The following RNF111 variants were observed in gnomAD, a reference collection of about 807,000 sequenced individuals.
RNF111 encodes the protein ring finger protein 111.
Under a neutral mutation model 95.1 loss-of-function variants are expected in RNF111, and 17 were observed. That is an observed-to-expected ratio of 0.18 (90% CI 0.12 to 0.27). The LOEUF (loss-of-function observed/expected upper bound fraction) is 0.27, where lower values mean the gene tolerates loss of function less well. Among genes scored for constraint, RNF111 ranks in the 10% least tolerant of loss-of-function variants. The pLI is 1.00. For synonymous variants in RNF111, 440 were observed against 414.8 expected, an observed-to-expected ratio of 1.06 and a Z score of -0.74; for missense variants, 1,189 against 1,210.4, an observed-to-expected ratio of 0.98 and a Z score of 0.26.
At chr15:59,045,421 C>T (rs2041662554) in intron 2 of RNF111, among the ~76,000 whole-genome samples, 1 of 152,196 alleles carries the variant, frequency 6.6e-6, no homozygotes, top group South Asian at 2.1e-4. Flanking sequence ...GATCTCCTGA[C>T]CTTGTGATCT....
intron 7 of RNF111, among the ~76,000 whole-genome samples, chr15:59,080,166 G>T (rs1283033077): frequency 1.4e-5 from 2 of 140,552 alleles, no homozygotes; most frequent in East Asian, 2.1e-4. Flanking sequence ...TGTCGCCCAG[G>T]CTGGGGTGCA....
chr15:59,046,671 G>C (rs1039891008), intron 2 of RNF111, among the ~76,000 whole-genome samples: 1 of 152,136 alleles, frequency 6.6e-6, no homozygotes, highest in Admixed American at 6.5e-5. Flanking sequence ...GTTAGACAAA[G>C]GTTTCTTAAA....
At chr15:59,016,716 C>T (rs1051946139) in intron 1 of RNF111, among the ~76,000 whole-genome samples, 6 of 152,112 alleles carry the variant, frequency 3.9e-5, no homozygotes. Flanking sequence ...AGCAGGGTTC[C>T]CCAACCCCTG....
intron 1 of RNF111, among the ~76,000 whole-genome samples, chr15:58,994,035 T>A: frequency 7.8e-6 from 1 of 128,174 alleles, no homozygotes; most frequent in East Asian, 2.2e-4. Flanking sequence ...TTACTTAAAT[T>A]TTTTTTTTTT....
rs1403608966 is a variant in RNF111 at position 59,095,805 on chromosome 15, T to A, written c.*905T>A. The A allele has an allele frequency of 2.6e-6, 1 of 390,956 alleles. No individual in the cohort carries two copies. The highest frequency in any genetic ancestry group is 4.5e-6 in the Non-Finnish European group (1 of 221,390). The allele number at this position is 390,956 out of a possible 1,614,324, so 24.2% of individuals were successfully genotyped here. ...TTCTGCTAAGCACGAAAAGTTAAGA[T>A]ATCTGCTTACATTGATTTTGTAGAC... On this transcript the variant is annotated 3_prime_UTR_variant, in exon 14 of 14. Transcript: ENST00000348370.
chr15:59,015,490 C>A (rs1227140331), intron 1 of RNF111, among the ~76,000 whole-genome samples: 1 of 152,072 alleles, frequency 6.6e-6, no homozygotes, highest in Non-Finnish European at 1.5e-5. Flanking sequence ...GTAAGAGCTT[C>A]CTCCGTAGTC....
chr15:59,085,829 CCTTTT>C (rs760390333), intron 10 of RNF111, 44 bp downstream of exon 10: 48 of 1,553,276 alleles, frequency 3.1e-5, no homozygotes, highest in Non-Finnish European at 4.2e-5. Context: ...TCTAAAAGTT[CCTTTT>C]CTAAGTATTT....
At chr15:59,093,337 CTTT>C (rs1236130195) in intron 13 of RNF111, 1,973 of 265,502 alleles carry the variant, frequency 7.4e-3, no homozygotes, top group Middle Eastern at 0.013. Flanking sequence ...TTTACAGCAT[CTTT>C]TTTTTTTTTT....
At chr15:59,027,250 A>G (rs146497795) in intron 1 of RNF111, among the ~76,000 whole-genome samples, 4 of 152,344 alleles carry the variant, frequency 2.6e-5, no homozygotes, top group African/African-American at 9.6e-5. Flanking sequence ...GAAATCCACC[A>G]GAACATAACT....
intron 1 of RNF111, among the ~76,000 whole-genome samples, chr15:59,006,879 C>T (rs1161796281): frequency 2.0e-5 from 3 of 152,116 alleles, no homozygotes; most frequent in Non-Finnish European, 2.9e-5. Flanking sequence ...CTCCGCCTCC[C>T]GGGTTCAAGC....
chr15:58,998,936 A>C (rs538068200), intron 1 of RNF111, among the ~76,000 whole-genome samples: 1 of 152,232 alleles, frequency 6.6e-6, no homozygotes, highest in Non-Finnish European at 1.5e-5. Context: ...TGGGTGAAAG[A>C]TCTATGTAAA....
chr15:59,055,194 G>A (rs2042153851), intron 3 of RNF111, among the ~76,000 whole-genome samples: 1 of 152,114 alleles, frequency 6.6e-6, no homozygotes, highest in African/African-American at 2.4e-5. Flanking sequence ...TCTCCCTGGT[G>A]CCTGTTTATT....
chr15:59,009,224 G>T (rs2039678769), intron 1 of RNF111, among the ~76,000 whole-genome samples: 1 of 152,080 alleles, frequency 6.6e-6, no homozygotes, highest in Admixed American at 6.5e-5. Context: ...CTTTCAAAGT[G>T]CTGGGATTAC....
rs2078738785 is a variant in RNF111, at chr15:59,081,382, CA to C, written c.2297+99del. On this transcript the variant is annotated intron_variant, in intron 8 of 13. Transcript: ENST00000348370. The stretch of plus-strand genomic sequence containing the variant: ...AAATCCAACTAGGCATGGTGGCATG[CA>C]CTTGTAGTCACAGCTCCTTGGGAGG... The C allele has an allele frequency of 9.0e-6, 9 of 996,816 alleles. No individual in the cohort carries two copies. The East Asian group carries it at 2.4e-4, about 26-fold the overall frequency. The allele number at this position is 996,816 out of a possible 1,614,324, so 61.7% of individuals were successfully genotyped here.
chr15:59,012,548 GTGTT>G (rs1198186733), intron 1 of RNF111, among the ~76,000 whole-genome samples: 69 of 152,256 alleles, frequency 4.5e-4, no homozygotes, highest in African/African-American at 1.5e-3. Flanking sequence ...CACAAGAAAT[GTGTT>G]TATTTGGAAA....
intron 1 of RNF111, among the ~76,000 whole-genome samples, chr15:58,995,018 A>T (rs2038994406): frequency 6.6e-6 from 1 of 152,200 alleles, no homozygotes; most frequent in Non-Finnish European, 1.5e-5. Context: ...CCAGTTCAGG[A>T]TCACAAAATG....
chr15:59,087,990 G>A (rs776008637), intron 10 of RNF111, among the ~76,000 whole-genome samples: 4 of 152,228 alleles, frequency 2.6e-5, no homozygotes, highest in Non-Finnish European at 5.9e-5. Context: ...CATGGAGACA[G>A]TGAATATAGC....
At position 59,095,979 on chromosome 15, in the gene RNF111, C is replaced by A; in HGVS notation, c.*1079C>A. The A allele has an allele frequency of 2.5e-6, 1 of 398,450 alleles. No homozygotes were observed. Among genetic ancestry groups the A allele is most frequent in the East Asian group, 3.6e-5 (1 of 27,944 alleles). 24.7% of individuals were successfully genotyped at this position (398,450 alleles called of 1,614,324 possible). A position where few individuals can be genotyped will look rare whatever the true frequency, so the allele number is the denominator to read the frequency against. ...AATCTACATGTCTCTTGTTTTATTT[C>A]TCTCTAAACTTGAAAACAGTAAATC... On this transcript the variant is annotated 3_prime_UTR_variant, in exon 14 of 14. Transcript: ENST00000348370.
At chr15:59,093,129 A>C (rs1179690963) in intron 13 of RNF111, among the ~76,000 whole-genome samples, 1 of 152,212 alleles carries the variant, frequency 6.6e-6, no homozygotes, top group Non-Finnish European at 1.5e-5. Flanking sequence ...TAAAGTATCT[A>C]TGTTACCAAC....
Sources: allele counts gnomAD v4.1 joint callset (sites outside exome capture counted in the v4.1 genomes callset), GRCh38; gene constraint gnomAD v4.1.1; transcripts MANE v1.5; gene names NCBI Gene and HGNC (gene_info 2026-07-23, HGNC 2026-07-21).